Variants in CRYAB observed in about 807,000 individuals in gnomAD.
The protein encoded by CRYAB is crystallin alpha B.
Under a neutral mutation model 12.7 loss-of-function variants are expected in CRYAB, and 9 were observed. That is an observed-to-expected ratio of 0.71 (90% CI 0.43 to 1.24). The LOEUF is 1.24. CRYAB is among the 50% of genes most tolerant of loss of function. The pLI, the probability that CRYAB is intolerant of heterozygous loss-of-function variation, is 0.00. For synonymous variants in CRYAB, 93 were observed against 86.8 expected (o/e 1.07, Z -0.40); for missense variants, 183 against 226.6 (o/e 0.81, Z 1.24).
chr11:111,911,006 A>G (rs1318829297), intron 1 of CRYAB: 3 of 227,894 alleles, frequency 1.3e-5, no homozygotes, highest in South Asian at 1.4e-4. Context: ...GCGTCCCTAT[A>G]TTGTTTCCTC....
upstream of CRYAB, chr11:111,913,461 C>T (rs587647075): frequency 3.1e-6 from 5 of 1,610,214 alleles, no homozygotes; most frequent in Admixed American, 8.3e-5. Context: ...AGAAGAGATC[C>T]TGACCCCCAC....
upstream of CRYAB, chr11:111,913,484 C>T (rs1965536353): frequency 1.2e-6 from 2 of 1,612,866 alleles, no homozygotes; most frequent in South Asian, 1.1e-5. Context: ...TCTACCATGG[C>T]TACTATGTCC....
chr11:111,914,116 C>A, upstream of CRYAB: 1 of 511,914 alleles, frequency 2.0e-6, no homozygotes, highest in African/African-American at 1.9e-5. Flanking sequence ...GCTCCCTATT[C>A]TGTGGCCGGG....
Position 111,918,727 on chromosome 11 carries a change from A to C in CRYAB, c.-199+4976T>G, listed in dbSNP as rs17113350. 1,214 of 682,556 alleles carry C rather than the reference A, an allele frequency of 1.8e-3. 7 individuals are homozygous for C. In the African/African-American group the frequency reaches 0.018, roughly 10 times the overall value. The allele number at this position is 682,556 out of a possible 1,614,324, so 42.3% of individuals were successfully genotyped here. ...CTCAAGTTCATGGCTTCATCAAAAG[A>C]CGCTTCAAATCCTGAAGTTGAGATA... On this transcript the variant is annotated intron_variant, in intron 1 of 3. Coordinates refer to the CRYAB transcript ENST00000527950.
intron 1 of CRYAB, among the ~76,000 whole-genome samples, chr11:111,920,345 G>A (rs1446769058): frequency 6.6e-6 from 1 of 151,900 alleles, no homozygotes; most frequent in African/African-American, 2.4e-5. Context: ...AGACCAGCCT[G>A]GCCAACATGG....
intron 1 of CRYAB, among the ~76,000 whole-genome samples, chr11:111,923,222 A>G (rs1965728595): frequency 6.6e-6 from 1 of 152,270 alleles, no homozygotes; most frequent in South Asian, 2.1e-4. Context: ...GAAGAAGTAG[A>G]AAAACACAGG....
chr11:111,908,864 A>T lies in CRYAB; in HGVS notation c.428T>A (p.Leu143His). The T allele has an allele frequency of 6.2e-7, 1 of 1,614,120 alleles. No individual in the cohort carries two copies. ...CTGTTTCCTTGGTCCATTCACAGTG[A>T]GGACCCCATCAGATGACAGGGATGA... Reference protein sequence around the residue: ...ITSSLSSDGVLTVNGPRKQVS... With the variant: ...ITSSLSSDGVHTVNGPRKQVS... Residue 143 changes from leucine (L) to histidine (H), a missense_variant, in exon 3 of 3, where the codon CTC becomes CAC. Physicochemically the swap from Leu to His is moderately conservative, Grantham distance 99 (BLOSUM62 -3). Coordinates refer to ENST00000650687, the MANE Select transcript of CRYAB (RefSeq NM_001289808.2).
upstream of CRYAB, chr11:111,913,354 A>G (rs1401698948): frequency 1.9e-6 from 2 of 1,040,948 alleles, no homozygotes; most frequent in African/African-American, 3.2e-5. Context: ...TGCTCTTCCC[A>G]ATCCCTCCTC....
chr11:111,919,108 T>G, intron 1 of CRYAB: 1 of 1,284,432 alleles, frequency 7.8e-7, no homozygotes, highest in Non-Finnish European at 1.1e-6. Flanking sequence ...AGCCTCCCAC[T>G]GCCACCTTCC....
chr11:111,913,788 C>CG, upstream of CRYAB: 1 of 1,614,160 alleles, frequency 6.2e-7, no homozygotes, highest in Non-Finnish European at 8.5e-7. Context: ...GGAAGCACCT[C>CG]GGGGTGGCCG....
chr11:111,912,905 G>A, upstream of CRYAB: 1 of 1,607,410 alleles, frequency 6.2e-7, no homozygotes, highest in East Asian at 2.2e-5. Flanking sequence ...CCGCCTGGGT[G>A]AGCAGCGCTT....
chr11:111,915,867 T>C (rs1437090165), upstream of CRYAB, among the ~76,000 whole-genome samples: 2 of 152,112 alleles, frequency 1.3e-5, no homozygotes, highest in Admixed American at 1.3e-4. Flanking sequence ...CTCAGCCTCC[T>C]GAGTAGCTGG....
chr11:111,920,144 G>A (rs1421933136), intron 1 of CRYAB, among the ~76,000 whole-genome samples: 5 of 151,994 alleles, frequency 3.3e-5, no homozygotes, highest in Admixed American at 1.3e-4. Flanking sequence ...GCAGTGAGCC[G>A]AGATTGCACC....
chr11:111,909,040 C>T, intron 2 of CRYAB, 73 bp from the exon 3 acceptor site: 1 of 1,488,778 alleles, frequency 6.7e-7, no homozygotes, highest in Non-Finnish European at 9.3e-7. Flanking sequence ...AGAACTCAGG[C>T]ATCCTGATTT....
At position 111,908,807 on chromosome 11, in the gene CRYAB, G is replaced by A. The variant is rs199861008; in HGVS notation, c.485C>T (p.Thr162Ile). 14 of 1,613,372 alleles carry A rather than the reference G, an allele frequency of 8.7e-6. No individual in the cohort carries two copies. The East Asian group carries it at 1.3e-4, about 15-fold the overall frequency. Residue 162 changes from threonine to isoleucine, a missense_variant, in exon 3 of 3, where the codon ACC becomes ATC. Physicochemically the swap from Thr to Ile is moderately conservative, Grantham distance 89 (BLOSUM62 -1). This residue lies in a region of CRYAB where 95 missense variants were observed against 112.5 expected (regional missense o/e 0.84). Coordinates refer to ENST00000650687, the MANE Select transcript of CRYAB (RefSeq NM_001289808.2). Reference sequence around the variant, plus strand: ...GGTGACAGCAGGCTTCTCTTCACGGGTGATGGGAATGGTGCGCTCAGGGCC... The same window carrying A: ...GGTGACAGCAGGCTTCTCTTCACGGATGATGGGAATGGTGCGCTCAGGGCC... Reference protein sequence around the residue: ...VSGPERTIPITREEKPAVTAA... With the variant: ...VSGPERTIPIIREEKPAVTAA...
intron 1 of CRYAB, among the ~76,000 whole-genome samples, chr11:111,921,420 A>G (rs1203782697): frequency 6.6e-6 from 1 of 152,234 alleles, no homozygotes; most frequent in Non-Finnish European, 1.5e-5. Flanking sequence ...GCCACTTCAT[A>G]AAGAATGTTG....
chr11:111,920,314 T>C (rs1555166433), intron 1 of CRYAB, among the ~76,000 whole-genome samples: 1 of 152,084 alleles, frequency 6.6e-6, no homozygotes, highest in African/African-American at 2.4e-5. Context: ...GGCAGGCAGA[T>C]GACTTGAGGC....
chr11:111,920,219 A>G (rs1401403449), intron 1 of CRYAB, among the ~76,000 whole-genome samples: 1 of 151,874 alleles, frequency 6.6e-6, no homozygotes, highest in Non-Finnish European at 1.5e-5. Context: ...ATAAAATAGA[A>G]TAAAATAAAA....
chr11:111,908,594 G>A lies in CRYAB; in HGVS notation c.*170C>T. ...GGTATCTGTATATTTATTTAAAAGT[G>A]TGTGGAATATTCAAACACAAGACAG... is the stretch of plus-strand genomic sequence containing the variant. On this transcript the variant is annotated 3_prime_UTR_variant, in exon 3 of 3. Coordinates refer to ENST00000650687, the MANE Select transcript of CRYAB (RefSeq NM_001289808.2). 1 of 640,626 alleles carries A rather than the reference G, an allele frequency of 1.6e-6. No homozygotes were observed. Among genetic ancestry groups the A allele is most frequent in the South Asian group, 1.8e-5 (1 of 55,218 alleles). 39.7% of individuals were successfully genotyped at this position (640,626 alleles called of 1,614,324 possible).
Sources: gnomAD v4.1 joint callset for allele counts (sites outside exome capture counted in the v4.1 genomes callset) on GRCh38, gnomAD v4.1.1 for gene constraint, gnomAD v4.1.1 regional missense constraint, MANE v1.5 for transcripts, NCBI Gene and HGNC (gene_info 2026-07-23, HGNC 2026-07-21) for gene names.